CALCR: variants seen among roughly 807,000 people sequenced by gnomAD.
CALCR encodes calcitonin receptor.
A neutral mutation model predicts 59.5 loss-of-function variants in CALCR; 47 were observed. The observed-to-expected ratio is 0.79, with a 90% confidence interval of 0.63 to 1.01. CALCR has a LOEUF of 1.01. Among genes scored for constraint, CALCR ranks in the 50% least tolerant of loss-of-function variants. The probability of loss-of-function intolerance (pLI) is 0.00; values close to 1 mark genes in which losing one functional copy is unlikely to be tolerated. For synonymous variants in CALCR, 213 were observed against 211.3 expected (o/e 1.01, Z -0.07); for missense variants, 566 against 597.1 (o/e 0.95, Z 0.54).
intron 2 of CALCR, among the ~76,000 whole-genome samples, chr7:93,489,827 G>A (rs1046298067): frequency 1.3e-5 from 2 of 151,948 alleles, no homozygotes; most frequent in African/African-American, 2.4e-5. Context: ...TTCTACCAGA[G>A]TTACAAAGAG....
At chr7:93,558,128 CTTT>C (rs532827246) in intron 2 of CALCR, among the ~76,000 whole-genome samples, 1 of 140,864 alleles carries the variant, frequency 7.1e-6, no homozygotes, top group African/African-American at 2.6e-5. Context: ...TTTTTAACAC[CTTT>C]TTTTTTTTTT....
chr7:93,546,732 T>A (rs1341236800), intron 2 of CALCR, among the ~76,000 whole-genome samples: 1 of 151,928 alleles, frequency 6.6e-6, no homozygotes, highest in Non-Finnish European at 1.5e-5. Flanking sequence ...TTTGTATTTT[T>A]TTTTTTTTGG....
intron 2 of CALCR, among the ~76,000 whole-genome samples, chr7:93,566,013 C>T (rs1789857360): frequency 6.6e-6 from 1 of 152,122 alleles, no homozygotes; most frequent in African/African-American, 2.4e-5. Context: ...ACTTTATGAA[C>T]ACCTCACTAG....
At position 93,426,437 on chromosome 7, in the gene CALCR, C is replaced by T. The variant is rs1214394611; in HGVS notation, c.1344G>A (p.Arg448=). ...IPIYICHQEL[R]NEPANNQGEE... ...CGCCTTGGTTGTTGGCTGGTTCATT[C>T]CTCAGCTCCTGATGGCAGATGTAAA... Residue 448 remains arginine, a synonymous_variant, in exon 14 of 14, where the codon AGG becomes AGA. Transcript: ENST00000426151. The T allele has an allele frequency of 6.2e-7, 1 of 1,613,856 alleles. No individual in the cohort carries two copies. The highest frequency in any genetic ancestry group is 8.5e-7 in the Non-Finnish European group (1 of 1,179,896).
At chr7:93,528,264 T>C (rs1031400792) in intron 2 of CALCR, among the ~76,000 whole-genome samples, 1 of 152,228 alleles carries the variant, frequency 6.6e-6, no homozygotes, top group Non-Finnish European at 1.5e-5. Flanking sequence ...GTATTTGGAA[T>C]ATTTCTGAGA....
At chr7:93,498,583 A>T (rs1801259309) in intron 2 of CALCR, among the ~76,000 whole-genome samples, 1 of 151,634 alleles carries the variant, frequency 6.6e-6, no homozygotes, top group African/African-American at 2.4e-5. Context: ...TGCATTTATT[A>T]GATGTGTTTC....
chr7:93,445,244 T>C (rs1438464132), intron 8 of CALCR, among the ~76,000 whole-genome samples: 1 of 152,136 alleles, frequency 6.6e-6, no homozygotes, highest in Non-Finnish European at 1.5e-5. Context: ...TTATTTAATA[T>C]AATGTTAGTT....
At chr7:93,516,433 C>T (rs1801652494) in intron 2 of CALCR, among the ~76,000 whole-genome samples, 1 of 151,790 alleles carries the variant, frequency 6.6e-6, no homozygotes, top group Admixed American at 6.6e-5. Context: ...AAACTTGGGG[C>T]TAGTATCATT....
At chr7:93,550,335 C>CA (rs894296277) in intron 2 of CALCR, among the ~76,000 whole-genome samples, 3 of 151,128 alleles carry the variant, frequency 2.0e-5, no homozygotes, top group African/African-American at 7.3e-5. Flanking sequence ...GCTAAAAATA[C>CA]AAAAAATTAG....
chr7:93,535,193 G>A (rs143269440), intron 2 of CALCR, among the ~76,000 whole-genome samples: 513 of 151,650 alleles, frequency 3.4e-3, no homozygotes, highest in Middle Eastern at 0.014. Flanking sequence ...GCTGACCTAC[G>A]ATTTTTCGTT....
intron 2 of CALCR, among the ~76,000 whole-genome samples, chr7:93,563,036 G>A (rs1789783080): frequency 6.6e-6 from 1 of 152,036 alleles, no homozygotes; most frequent in South Asian, 2.1e-4. Flanking sequence ...GTAAATAAAA[G>A]TCACTTGCAA....
At chr7:93,503,006 A>G (rs1357093831) in intron 2 of CALCR, among the ~76,000 whole-genome samples, 1 of 152,156 alleles carries the variant, frequency 6.6e-6, no homozygotes, top group Non-Finnish European at 1.5e-5. Flanking sequence ...TATTATTGTT[A>G]CTGTAATTTT....
In CALCR at chr7:93,481,639, A is replaced by C. The variant is rs1396344764; in HGVS notation, c.52-2132T>G. ...ATGGTAGCAAGCCATCCTAGTGGAAATATCTTGCAAAGAGAAGAGGGTGAA... is the reference window on the plus strand; with the variant it reads ...ATGGTAGCAAGCCATCCTAGTGGAACTATCTTGCAAAGAGAAGAGGGTGAA... On this transcript the variant is annotated intron_variant, in intron 3 of 13. Transcript: ENST00000426151. Among the ~76,000 whole-genome samples, 6 of 151,982 alleles carry C rather than the reference A, an allele frequency of 3.9e-5. No individual in the cohort carries two copies. In the East Asian group the frequency reaches 1.2e-3, roughly 30 times the overall value.
chr7:93,568,033 A>G (rs1209345116), intron 2 of CALCR, among the ~76,000 whole-genome samples: 2 of 152,330 alleles, frequency 1.3e-5, no homozygotes, highest in Middle Eastern at 3.4e-3. Context: ...AAATTATTTC[A>G]ATGAATGCAT....
chr7:93,569,546 G>A (rs1252311624), intron 2 of CALCR, among the ~76,000 whole-genome samples: 13 of 151,904 alleles, frequency 8.6e-5, no homozygotes, highest in Non-Finnish European at 4.4e-5. Context: ...CCTGATGTCC[G>A]GGCTGGTTGT....
At chr7:93,441,631 C>T (rs1422637836) in intron 9 of CALCR, 2 of 427,716 alleles carry the variant, frequency 4.7e-6, no homozygotes, top group East Asian at 1.4e-4. Context: ...GCAGGAGAAC[C>T]TGTTACCTGA....
chr7:93,441,997 C>T (rs1799916659), intron 9 of CALCR, among the ~76,000 whole-genome samples: 1 of 152,078 alleles, frequency 6.6e-6, no homozygotes, highest in Non-Finnish European at 1.5e-5. Context: ...GTGCCTGGAA[C>T]AGAAACATGT....
intron 2 of CALCR, among the ~76,000 whole-genome samples, chr7:93,527,236 T>C (rs747079153): frequency 1.4e-4 from 21 of 151,814 alleles, no homozygotes; most frequent in Non-Finnish European, 2.7e-4. Context: ...TATATTTATG[T>C]TTATGAAATA....
chr7:93,433,128 C>T (rs73219954), intron 13 of CALCR, among the ~76,000 whole-genome samples: 2 of 152,022 alleles, frequency 1.3e-5, no homozygotes, highest in South Asian at 2.1e-4. Context: ...TGTCATGTTG[C>T]GGTTGGAAAC....
Sources: gnomAD v4.1 joint callset for allele counts (sites outside exome capture counted in the v4.1 genomes callset) on GRCh38, gnomAD v4.1.1 for gene constraint, MANE v1.5 for transcripts, NCBI Gene and HGNC (gene_info 2026-07-23, HGNC 2026-07-21) for gene names.